PDGFD: variants seen among roughly 807,000 people sequenced by gnomAD.
The protein encoded by PDGFD is platelet derived growth factor D.
A neutral mutation model predicts 44.7 loss-of-function variants in PDGFD; 30 were observed. The ratio of observed to expected loss-of-function variants is 0.67; its 90% CI spans 0.50 to 0.91. The LOEUF (loss-of-function observed/expected upper bound fraction) is 0.91. PDGFD is among the 40% of genes least tolerant of loss of function. The pLI, the probability that PDGFD is intolerant of heterozygous loss-of-function variation, is 0.00. For synonymous variants in PDGFD, 173 were observed against 168.4 expected, an observed-to-expected ratio of 1.03 and a Z score of -0.21; for missense variants, 445 against 457.8, an observed-to-expected ratio of 0.97 and a Z score of 0.25.
chr11:103,978,123 C>T (rs996237713), intron 3 of PDGFD, among the ~76,000 whole-genome samples: 2 of 151,926 alleles, frequency 1.3e-5, no homozygotes, highest in African/African-American at 2.4e-5. Context: ...CCAGTAGTGT[C>T]GTTGTTGGTT....
intron 3 of PDGFD, among the ~76,000 whole-genome samples, chr11:103,974,674 T>C (rs919536868): frequency 6.6e-6 from 1 of 152,040 alleles, no homozygotes; most frequent in Non-Finnish European, 1.5e-5. Context: ...TTCCTCTCCC[T>C]ATGTCCATGT....
chr11:104,121,926 A>C (rs1713646890), intron 1 of PDGFD, among the ~76,000 whole-genome samples: 1 of 152,052 alleles, frequency 6.6e-6, no homozygotes, highest in African/African-American at 2.4e-5. Flanking sequence ...TTCATAGTTG[A>C]AACTGATACC....
intron 1 of PDGFD, among the ~76,000 whole-genome samples, chr11:104,004,127 C>G (rs2134369564): frequency 6.6e-6 from 1 of 152,274 alleles, no homozygotes; most frequent in African/African-American, 2.4e-5. Context: ...AAAGTCTACA[C>G]TGTCTTAAAG....
intron 1 of PDGFD, among the ~76,000 whole-genome samples, chr11:104,032,830 C>G (rs1484842275): frequency 6.6e-6 from 1 of 151,892 alleles, no homozygotes; most frequent in Non-Finnish European, 1.5e-5. Flanking sequence ...AGCCTGGAGA[C>G]TCTGCAGGAA....
intron 1 of PDGFD, among the ~76,000 whole-genome samples, chr11:104,144,068 A>ACAGGCT (rs1862125078): frequency 2.0e-5 from 3 of 152,200 alleles, no homozygotes; most frequent in Admixed American, 1.3e-4. Context: ...CCTCCAGTGA[A>ACAGGCT]CAGGCTGAAA....
At chr11:103,954,902 C>T (rs1858814152) in intron 3 of PDGFD, among the ~76,000 whole-genome samples, 3 of 152,164 alleles carry the variant, frequency 2.0e-5, no homozygotes, top group South Asian at 4.2e-4. Context: ...CGGTGGCTCA[C>T]GCCTGTAATC....
chr11:103,923,302 C>T (rs188493563), intron 6 of PDGFD, among the ~76,000 whole-genome samples: 1 of 152,204 alleles, frequency 6.6e-6, no homozygotes, highest in Admixed American at 6.5e-5. Flanking sequence ...ATAATAAAGA[C>T]AGTCACATTT....
At chr11:103,948,458 G>T (rs1330352515) in intron 3 of PDGFD, among the ~76,000 whole-genome samples, 1 of 152,148 alleles carries the variant, frequency 6.6e-6, no homozygotes, top group African/African-American at 2.4e-5. Flanking sequence ...AGGCAAACTT[G>T]TCTCCCATTT....
chr11:103,975,721 A>G (rs1859174499), intron 3 of PDGFD, among the ~76,000 whole-genome samples: 1 of 152,116 alleles, frequency 6.6e-6, no homozygotes, highest in African/African-American at 2.4e-5. Flanking sequence ...ATGACTAGCC[A>G]CTTTTCCCAG....
At chr11:104,109,773 T>A (rs11226163) in intron 1 of PDGFD, among the ~76,000 whole-genome samples, 12 of 149,342 alleles carry the variant, frequency 8.0e-5, no homozygotes, top group Middle Eastern at 6.9e-3. Flanking sequence ...ATCATTAAGT[T>A]AAAAAAAAAA....
chr11:103,960,483 T>C (rs17419673), intron 3 of PDGFD, among the ~76,000 whole-genome samples: 4,980 of 152,306 alleles, frequency 0.033, 115 homozygotes, highest in Middle Eastern at 0.051. Context: ...TTTTATTCAC[T>C]ATTTGACTGA....
At chr11:103,994,815 G>A (rs938330928) in intron 3 of PDGFD, among the ~76,000 whole-genome samples, 2 of 151,668 alleles carry the variant, frequency 1.3e-5, no homozygotes, top group African/African-American at 4.8e-5. Flanking sequence ...AAATGTCTCT[G>A]TGGGCCTAAC....
At chr11:104,139,721 ACAC>A (rs1862056960) in intron 1 of PDGFD, among the ~76,000 whole-genome samples, 1 of 152,140 alleles carries the variant, frequency 6.6e-6, no homozygotes, top group Admixed American at 6.6e-5. Flanking sequence ...GACAGTGACA[ACAC>A]CTTGGGTTCT....
At chr11:104,100,164 C>T (rs1050650336) in intron 1 of PDGFD, among the ~76,000 whole-genome samples, 1 of 152,100 alleles carries the variant, frequency 6.6e-6, no homozygotes, top group Non-Finnish European at 1.5e-5. Context: ...CCAGAGGCAG[C>T]CCACACACCT....
chr11:104,119,090 T>C (rs371219478), intron 1 of PDGFD, among the ~76,000 whole-genome samples: 160 of 5,366 alleles, frequency 0.03, 34 homozygotes, highest in Non-Finnish European at 0.032. Context: ...TATAATATAT[T>C]GATATAATAT....
chr11:104,144,680 C>A (rs1433532951), intron 1 of PDGFD, among the ~76,000 whole-genome samples: 2 of 152,048 alleles, frequency 1.3e-5, no homozygotes, highest in African/African-American at 4.8e-5. Flanking sequence ...AATTGTCTTA[C>A]CTAAAAATAG....
intron 1 of PDGFD, among the ~76,000 whole-genome samples, chr11:104,110,346 A>T (rs997978004): frequency 6.6e-6 from 1 of 151,948 alleles, no homozygotes; most frequent in East Asian, 1.9e-4. Context: ...TAAAAAAAAA[A>T]TTACTTGAAC....
At chr11:104,150,752 C>T (rs1242745209) in intron 1 of PDGFD, among the ~76,000 whole-genome samples, 1 of 152,146 alleles carries the variant, frequency 6.6e-6, no homozygotes, top group African/African-American at 2.4e-5. Context: ...ATCTCTTCTG[C>T]CTTTGTCAAA....
intron 1 of PDGFD, among the ~76,000 whole-genome samples, chr11:104,078,133 T>C (rs941436590): frequency 3.3e-5 from 5 of 152,208 alleles, no homozygotes; most frequent in Admixed American, 6.5e-5. Context: ...TGTCCTCTAT[T>C]GACCACAGGT....
Sources: allele counts gnomAD v4.1 joint callset (sites outside exome capture counted in the v4.1 genomes callset), GRCh38; gene constraint gnomAD v4.1.1; transcripts MANE v1.5; gene names NCBI Gene and HGNC (gene_info 2026-07-23, HGNC 2026-07-21).